Variants in PLCD1 observed in about 807,000 individuals in gnomAD.
The protein encoded by PLCD1 is phospholipase C delta 1.
In PLCD1, 71 loss-of-function variants were observed where a neutral mutation model predicts 87.4. The ratio of observed to expected loss-of-function variants is 0.81; its 90% confidence interval spans 0.67 to 0.99. The LOEUF (loss-of-function observed/expected upper bound fraction) is 0.99. Ranked by LOEUF, PLCD1 falls within the 50% of genes least tolerant of loss-of-function variation. The pLI is 0.00. For missense variants in PLCD1, 867 were observed against 1,001.5 expected (o/e 0.87, Z 1.81); for synonymous variants, 348 against 399.2 (o/e 0.87, Z 1.53).
At chr3:38,024,881 T>G (rs1700290494) in intron 1 of PLCD1, 4 of 388,730 alleles carry the variant, frequency 1.0e-5, no homozygotes, top group South Asian at 7.6e-5. Context: ...GCGAGAGTGG[T>G]GTCGAGGCGT....
At position 38,010,420 on chromosome 3, in the gene PLCD1, G is replaced by A. The variant is rs746665718; in HGVS notation, c.933C>T (p.His311=). 1.7e-5 allele frequency: 27 copies of A among 1,614,096 alleles called. No homozygotes were observed. The Middle Eastern group carries it at 6.6e-4, about 39-fold the overall frequency. Reference sequence around the variant, plus strand: ...GCTGGTCCTCCAGCAGGTAGGTGTTGTGTGAAGAGGACACCAGGTAGTGGC... The same window carrying A: ...GCTGGTCCTCCAGCAGGTAGGTGTTATGTGAAGAGGACACCAGGTAGTGGC... The part of the protein sequence containing the change: ...PLSHYLVSSS[H]NTYLLEDQLA... Residue 311 remains histidine (H), a synonymous_variant, in exon 6 of 15, where the codon CAC becomes CAT. Coordinates refer to ENST00000334661, the MANE Select transcript of PLCD1 (RefSeq NM_006225.4).
chr3:38,028,053 T>C (rs1700326500), intron 1 of PLCD1, among the ~76,000 whole-genome samples: 1 of 152,140 alleles, frequency 6.6e-6, no homozygotes, highest in Non-Finnish European at 1.5e-5. Flanking sequence ...TCTTCCTCCA[T>C]GGAAAAGATA....
rs780703889 is a variant in PLCD1, at chr3:38,010,191, AG to A, written c.1076del (p.Thr359IlefsTer42). The A allele has an allele frequency of 1.2e-6, 2 of 1,614,252 alleles. No individual in the cohort carries two copies. The highest frequency in any genetic ancestry group is 1.7e-6 in the Non-Finnish European group (2 of 1,180,038). On this transcript the variant is annotated frameshift_variant, in exon 7 of 15. Transcript: ENST00000334661. LOFTEE classifies it high-confidence loss of function. ...NQEPIIYHGY[T>X]FTSKILFCDV... is the part of the protein sequence containing the mutation. ...CGCAGAAGAGGATCTTGGAAGTGAAAGTATAGCCGTGGTAGATGATTGGTTC... is the reference window on the plus strand; with the variant it reads ...CGCAGAAGAGGATCTTGGAAGTGAAATATAGCCGTGGTAGATGATTGGTTC...
At chr3:38,022,527 A>G (rs1040559911) in intron 1 of PLCD1, among the ~76,000 whole-genome samples, 3 of 152,238 alleles carry the variant, frequency 2.0e-5, no homozygotes, top group Non-Finnish European at 2.9e-5. Flanking sequence ...GCCAGGAAGT[A>G]GAAGTTGAGC....
At chr3:38,016,276 G>A (rs907124697) in intron 3 of PLCD1, among the ~76,000 whole-genome samples, 1 of 152,162 alleles carries the variant, frequency 6.6e-6, no homozygotes, top group Admixed American at 6.5e-5. Flanking sequence ...GCAAAGGAGA[G>A]AGCCCTCACC....
At chr3:38,011,850 A>G (rs1700083539) in intron 3 of PLCD1, among the ~76,000 whole-genome samples, 177 bp from the exon 4 acceptor site, 1 of 145,902 alleles carries the variant, frequency 6.9e-6, no homozygotes, top group African/African-American at 2.6e-5. Flanking sequence ...GTCTTTTTCT[A>G]TTTGCTGGTT....
In PLCD1 at chr3:38,011,515, G is replaced by A. The variant is rs562241170; in HGVS notation, c.558+29C>T. 5 of 1,614,046 alleles carry A rather than the reference G, an allele frequency of 3.1e-6. No homozygotes were observed. In the South Asian group the frequency reaches 4.4e-5, roughly 14 times the overall value. On this transcript the variant is annotated intron_variant, in intron 4 of 14. Coordinates refer to ENST00000334661, the MANE Select transcript of PLCD1 (RefSeq NM_006225.4). ...CCGGGGTCAAGGGCCCCATGGACAG[G>A]CAGCCCCAGCCCCCACTTCCTGCCT...
At position 38,024,774 on chromosome 3, in the gene PLCD1, C is replaced by A. The variant is rs752598730; in HGVS notation, c.35-4422G>T. On this transcript the variant is annotated intron_variant, in intron 1 of 14. Coordinates refer to ENST00000334661, the MANE Select transcript of PLCD1 (RefSeq NM_006225.4). ...GTGGGGGGAGTCAGAATACAGGAGG[C>A]GGGACGAGAAGAAAATCTGGGCTAA... 6.2e-6 allele frequency: 8 copies of A among 1,285,874 alleles called. No individual in the cohort carries two copies. In the South Asian group the frequency reaches 8.2e-5, roughly 13 times the overall value. The allele number at this position is 1,285,874 out of a possible 1,614,324, so 79.7% of individuals were successfully genotyped here. A position where few individuals can be genotyped will look rare whatever the true frequency, so the allele number is the denominator to read the frequency against.
At chr3:38,027,555 G>A (rs1383454904) in intron 1 of PLCD1, among the ~76,000 whole-genome samples, 1 of 152,164 alleles carries the variant, frequency 6.6e-6, no homozygotes, top group Non-Finnish European at 1.5e-5. Context: ...ATGCATCTGG[G>A]GTGAGGACAG....
chr3:38,018,113 G>A lies in PLCD1; in HGVS notation c.200-1394C>T, dbSNP rs979007310. 6.6e-6 allele frequency among the ~76,000 whole-genome samples: 1 copy of A among 152,208 alleles called. No individual in the cohort carries two copies. Among genetic ancestry groups the A allele is most frequent in the Non-Finnish European group, 1.5e-5 (1 of 68,038 alleles). ...GGTGGGTAGTAGTGGCAGGATTGGG[G>A]AGACTTAAAAAGCAGGAAGCAGAGC... On this transcript the variant is annotated intron_variant, in intron 2 of 14. Transcript: ENST00000334661. This position sits in a 1 kb window ranked among gnomAD's most constrained non-coding sequence, Gnocchi z 5.7.
chr3:38,012,838 T>C (rs1255447610), intron 3 of PLCD1, among the ~76,000 whole-genome samples: 1 of 152,070 alleles, frequency 6.6e-6, no homozygotes, highest in African/African-American at 2.4e-5. Flanking sequence ...TTTAAAGATC[T>C]ACCTACCTCC....
intron 3 of PLCD1, among the ~76,000 whole-genome samples, chr3:38,012,915 G>T (rs1022148045): frequency 4.7e-5 from 7 of 150,322 alleles, no homozygotes; most frequent in Non-Finnish European, 7.4e-5. Context: ...TATTTATTTG[G>T]TTTTTTGAGA....
intron 10 of PLCD1, 50 bp from the exon 11 acceptor site, chr3:38,009,208 C>T: frequency 3.1e-6 from 5 of 1,611,834 alleles, no homozygotes; most frequent in Non-Finnish European, 4.2e-6. Context: ...TGGTGAGGCC[C>T]AAGCCCTGCC....
At chr3:38,014,230 C>T (rs942540737) in intron 3 of PLCD1, among the ~76,000 whole-genome samples, 5 of 151,286 alleles carry the variant, frequency 3.3e-5, no homozygotes, top group African/African-American at 7.3e-5. Context: ...TCCTAAAATT[C>T]GTATAGAAAT....
rs764579316 is a variant in PLCD1, at chr3:38,011,566, C to T, written c.536G>A (p.Ser179Asn). ...CACCCTGAAGATCTTCCGGGCATAG[C>T]TGTCGTCCACCTGGATGTTGAGCTC... is the stretch of plus-strand genomic sequence containing the variant. ...LKELNIQVDD[S>N]YARKIFRECD... The change falls in exon 4 of 15, where the codon AGC becomes AAC. Residue 179 changes from serine to asparagine, a missense_variant. Ser to Asn is a conservative substitution (Grantham distance 46). Transcript: ENST00000334661. 1 of 1,614,208 alleles carries T rather than the reference C, an allele frequency of 6.2e-7. No homozygotes were observed. The highest frequency in any genetic ancestry group is 8.5e-7 in the Non-Finnish European group (1 of 1,180,014).
intron 3 of PLCD1, 110 bp from the exon 4 acceptor site, chr3:38,011,783 G>A (rs1420894189): frequency 2.0e-6 from 2 of 1,024,554 alleles, no homozygotes; most frequent in East Asian, 4.8e-5. Context: ...CTCCCTGCAG[G>A]CCTGACTTAC....
chr3:38,020,863 G>A (rs139081219), intron 1 of PLCD1, among the ~76,000 whole-genome samples: 2 of 152,250 alleles, frequency 1.3e-5, no homozygotes, highest in Admixed American at 6.5e-5. Context: ...GCCAAACAAC[G>A]TCCCAACTCC....
intron 3 of PLCD1, among the ~76,000 whole-genome samples, chr3:38,013,502 T>C (rs947947050): frequency 3.9e-5 from 6 of 152,228 alleles, no homozygotes; most frequent in Non-Finnish European, 8.8e-5. Flanking sequence ...CGTGAGCCAC[T>C]GCGCCCCGCC....
chr3:38,024,475 G>A (rs1443874630), intron 1 of PLCD1: 6 of 1,586,354 alleles, frequency 3.8e-6, no homozygotes, highest in East Asian at 4.6e-5. Context: ...CCGGGTCCGG[G>A]GCAGTGCCGC....
Sources: allele counts gnomAD v4.1 joint callset (sites outside exome capture counted in the v4.1 genomes callset), GRCh38; gene constraint gnomAD v4.1.1; non-coding constraint Gnocchi (gnomAD v3.1); transcripts MANE v1.5; gene names NCBI Gene and HGNC (gene_info 2026-07-23, HGNC 2026-07-21).